The following BCAS3 variants were observed in gnomAD, a reference collection of about 807,000 sequenced individuals.
The protein encoded by BCAS3 is BCAS4/BCAS3 fusion.
Under a neutral mutation model 116.1 loss-of-function variants are expected in BCAS3, and 53 were observed. That is an observed-to-expected ratio of 0.46 (90% confidence interval 0.37 to 0.57). The LOEUF (loss-of-function observed/expected upper bound fraction) is 0.57, where lower values mean the gene tolerates loss of function less well. Among genes scored for constraint, BCAS3 ranks in the 20% least tolerant of loss-of-function variants. The pLI, the probability that BCAS3 is intolerant of heterozygous loss-of-function variation, is 0.00. For missense variants in BCAS3, 917 were observed against 1,165.4 expected (o/e 0.79, Z 3.10); for synonymous variants, 391 against 408.2 (o/e 0.96, Z 0.51).
intron 4 of BCAS3, among the ~76,000 whole-genome samples, chr17:60,706,803 CTT>C (rs546689684): frequency 9.3e-4 from 114 of 122,198 alleles, no homozygotes; most frequent in African/African-American, 2.5e-3. Context: ...TTACACTATA[CTT>C]TTTTTTTTTT....
intron 17 of BCAS3, chr17:61,036,257 A>G (rs973088630): frequency 4.6e-5 from 7 of 152,244 alleles, no homozygotes; most frequent in Non-Finnish European, 7.4e-5. Flanking sequence ...CACAGGCTGT[A>G]TTGTTCTTGG....
At chr17:61,035,903 C>T (rs1393883073) in intron 17 of BCAS3, among the ~76,000 whole-genome samples, 2 of 152,144 alleles carry the variant, frequency 1.3e-5, no homozygotes, top group Non-Finnish European at 2.9e-5. Flanking sequence ...CCACGCTATT[C>T]AGTCTGCCAT....
rs1355717088 is a variant in BCAS3 at position 61,105,867 on chromosome 17, G to C, written c.2425+21303G>C. ...GGTTAAATTCATTTGTCACATATTGGTGTTTTATTTAAAATATTGTCCAGA... is the reference window on the plus strand; with the variant it reads ...GGTTAAATTCATTTGTCACATATTGCTGTTTTATTTAAAATATTGTCCAGA... On this transcript the variant is annotated intron_variant, in intron 22 of 23. Transcript: ENST00000407086. The surrounding 1 kb of genome is among the most constrained non-coding windows in gnomAD (Gnocchi z 4.3). Among the ~76,000 whole-genome samples, 3 of 152,146 alleles carry C rather than the reference G, an allele frequency of 2.0e-5. No homozygotes were observed. The highest frequency in any genetic ancestry group is 3.2e-3 in the Middle Eastern group (1 of 316).
chr17:61,185,328 T>C (rs2079704096), intron 22 of BCAS3, among the ~76,000 whole-genome samples: 1 of 152,182 alleles, frequency 6.6e-6, no homozygotes, highest in African/African-American at 2.4e-5. Context: ...TTTGAATGTA[T>C]AAGCCTCTAC....
chr17:60,846,838 A>T (rs1351749389), intron 7 of BCAS3, among the ~76,000 whole-genome samples: 2 of 151,956 alleles, frequency 1.3e-5, no homozygotes, highest in Non-Finnish European at 2.9e-5. Context: ...TTTACATAAT[A>T]TAAAAGTTAC....
rs2051046329 is a variant in BCAS3, at chr17:61,279,392, G to T, written c.2426-88935G>T. Among the ~76,000 whole-genome samples the T allele has an allele frequency of 6.6e-6, 1 of 152,014 alleles. No homozygotes were observed. Among genetic ancestry groups the T allele is most frequent in the Non-Finnish European group, 1.5e-5 (1 of 68,008 alleles). On this transcript the variant is annotated intron_variant, in intron 22 of 23. Coordinates refer to ENST00000407086, the MANE Select transcript of BCAS3 (RefSeq NM_017679.5). This position sits in a 1 kb window ranked among gnomAD's most constrained non-coding sequence, Gnocchi z 4.4. ...TCTTCTCTTTCCATCAGTCAGTGAT[G>T]CCCTTTGTGGGCAGGTTTGTGCACA...
intron 5 of BCAS3, among the ~76,000 whole-genome samples, chr17:60,713,202 C>T (rs1375325854): frequency 1.3e-5 from 2 of 152,154 alleles, no homozygotes; most frequent in African/African-American, 4.8e-5. Context: ...TCCTTTAGCT[C>T]AAAATGCTCA....
At chr17:60,785,064 A>C (rs942009604) in intron 6 of BCAS3, among the ~76,000 whole-genome samples, 4 of 152,068 alleles carry the variant, frequency 2.6e-5, no homozygotes, top group African/African-American at 7.2e-5. Context: ...GTGCCATTGC[A>C]CTCCAGCCTG....
At position 61,021,529 on chromosome 17, in the gene BCAS3, AT is replaced by A. The variant is rs1447531907; in HGVS notation, c.1637+5631del. On this transcript the variant is annotated intron_variant, in intron 16 of 23. Transcript: ENST00000407086. The surrounding 1 kb of genome is among the most constrained non-coding windows in gnomAD (Gnocchi z 4.6). ...CTATTTGCCAGTGTGTCCTAGGTAA[AT>A]TTCTTCACCTGAAAAAAAAAAGTTT... is the stretch of plus-strand genomic sequence containing the variant. Among the ~76,000 whole-genome samples the A allele has an allele frequency of 6.6e-6, 1 of 151,656 alleles. No individual in the cohort carries two copies. Among genetic ancestry groups the A allele is most frequent in the Non-Finnish European group, 1.5e-5 (1 of 67,938 alleles).
At position 61,324,083 on chromosome 17, in the gene BCAS3, C is replaced by G. The variant is rs1049078850; in HGVS notation, c.2426-44244C>G. Reference sequence around the variant, plus strand: ...GTGTTCTCAGTGTGCTCTTGTAACCCTCTGCTAGATCACTTAGCACATGGG... The same window carrying G: ...GTGTTCTCAGTGTGCTCTTGTAACCGTCTGCTAGATCACTTAGCACATGGG... On this transcript the variant is annotated intron_variant, in intron 22 of 23. Coordinates refer to ENST00000407086, the MANE Select transcript of BCAS3 (RefSeq NM_017679.5). This position sits in a 1 kb window ranked among gnomAD's most constrained non-coding sequence, Gnocchi z 4.6. Among the ~76,000 whole-genome samples, 38 of 152,206 alleles carry G rather than the reference C, an allele frequency of 2.5e-4. No individual in the cohort carries two copies. Among genetic ancestry groups the G allele is most frequent in the Non-Finnish European group, 1.9e-4 (13 of 68,044 alleles).
rs773556470 is a variant in BCAS3 at position 60,802,295 on chromosome 17, A to AATAT, written c.404-5690_404-5687dup. ...TGAGACTCTGTCTCAAAAAAAAAAA[A>AATAT]ATATATATATATATATATATATGCA... On this transcript the variant is annotated intron_variant, in intron 6 of 23. Coordinates refer to ENST00000407086, the MANE Select transcript of BCAS3 (RefSeq NM_017679.5). Among the ~76,000 whole-genome samples the AATAT allele has an allele frequency of 5.1e-3, 654 of 127,910 alleles. 5 individuals carry two copies. The highest frequency in any genetic ancestry group is 0.01 in the East Asian group (49 of 4,838). 83.9% of individuals were successfully genotyped at this position (127,910 alleles called of 152,430 possible).
At position 61,180,036 on chromosome 17, in the gene BCAS3, C is replaced by T. The variant is rs946450083; in HGVS notation, c.2425+95472C>T. 1.5e-4 allele frequency among the ~76,000 whole-genome samples: 23 copies of T among 151,980 alleles called. No homozygotes were observed. The highest frequency in any genetic ancestry group is 2.6e-4 in the Admixed American group (4 of 15,240). On this transcript the variant is annotated intron_variant, in intron 22 of 23. Transcript: ENST00000407086. This position sits in a 1 kb window ranked among gnomAD's most constrained non-coding sequence, Gnocchi z 6.0. ...ATAAAAATATATCTGCAAGCTGTAGCGACCTGGGACTTTTTGTTAGAGACA... is the reference window on the plus strand; with the variant it reads ...ATAAAAATATATCTGCAAGCTGTAGTGACCTGGGACTTTTTGTTAGAGACA...
chr17:60,932,358 A>G (rs2059693091), intron 13 of BCAS3, among the ~76,000 whole-genome samples: 1 of 152,224 alleles, frequency 6.6e-6, no homozygotes, highest in Non-Finnish European at 1.5e-5. Flanking sequence ...AATCATGGAA[A>G]AAATATAGCA....
chr17:60,955,095 T>A (rs2061050035), intron 14 of BCAS3, among the ~76,000 whole-genome samples: 1 of 152,208 alleles, frequency 6.6e-6, no homozygotes, highest in South Asian at 2.1e-4. Context: ...CCACTAATAC[T>A]GGGATTTCTT....
At chr17:61,185,976 C>G (rs1291215122) in intron 22 of BCAS3, among the ~76,000 whole-genome samples, 1 of 152,140 alleles carries the variant, frequency 6.6e-6, no homozygotes, top group Non-Finnish European at 1.5e-5. Flanking sequence ...ATACACAATT[C>G]ACACTTGTAT....
In BCAS3 at chr17:61,261,926, T is replaced by G. The variant is rs1428300945; in HGVS notation, c.2426-106401T>G. Reference sequence around the variant, plus strand: ...GCAGAGCTTTAGAATTTAGGATGGTTTTCCTAGTGAAGAGAAAGCTAAGAG... The same window carrying G: ...GCAGAGCTTTAGAATTTAGGATGGTGTTCCTAGTGAAGAGAAAGCTAAGAG... On this transcript the variant is annotated intron_variant, in intron 22 of 23. Coordinates refer to ENST00000407086, the MANE Select transcript of BCAS3 (RefSeq NM_017679.5). The surrounding 1 kb of genome is among the most constrained non-coding windows in gnomAD (Gnocchi z 4.4). 1.3e-5 allele frequency among the ~76,000 whole-genome samples: 2 copies of G among 152,214 alleles called. No homozygotes were observed. The highest frequency in any genetic ancestry group is 2.9e-5 in the Non-Finnish European group (2 of 68,040).
At position 60,846,747 on chromosome 17, in the gene BCAS3, C is replaced by T. The variant is rs762318956; in HGVS notation, c.477-21829C>T. ...CTACTTTATCTGATATGAATCTTGACAGCCTCCCTGCCTCCCTCCCTTCAT... is the reference window on the plus strand; with the variant it reads ...CTACTTTATCTGATATGAATCTTGATAGCCTCCCTGCCTCCCTCCCTTCAT... On this transcript the variant is annotated intron_variant, in intron 7 of 23. Coordinates refer to ENST00000407086, the MANE Select transcript of BCAS3 (RefSeq NM_017679.5). Among the ~76,000 whole-genome samples the T allele has an allele frequency of 5.4e-4, 82 of 152,078 alleles. 2 individuals carry two copies. Among genetic ancestry groups the T allele is most frequent in the African/African-American group, 1.8e-3 (76 of 41,420 alleles).
rs2058658782 is a variant in BCAS3 at position 61,365,152 on chromosome 17, T to G, written c.2426-3175T>G. 6.6e-6 allele frequency among the ~76,000 whole-genome samples: 1 copy of G among 152,206 alleles called. No individual in the cohort carries two copies. The highest frequency in any genetic ancestry group is 2.4e-5 in the African/African-American group (1 of 41,458). Reference sequence around the variant, plus strand: ...TGGAATCATACAGCTCACGTGTTAGTCTTTCTTGAAGTCCAGGCCTATTTC... The same window carrying G: ...TGGAATCATACAGCTCACGTGTTAGGCTTTCTTGAAGTCCAGGCCTATTTC... On this transcript the variant is annotated intron_variant, in intron 22 of 23. Transcript: ENST00000407086. The surrounding 1 kb of genome is among the most constrained non-coding windows in gnomAD (Gnocchi z 4.6).
rs894876589 is a variant in BCAS3 at position 61,132,347 on chromosome 17, G to A, written c.2425+47783G>A. On this transcript the variant is annotated intron_variant, in intron 22 of 23. Coordinates refer to ENST00000407086, the MANE Select transcript of BCAS3 (RefSeq NM_017679.5). The surrounding 1 kb of genome is among the most constrained non-coding windows in gnomAD (Gnocchi z 5.1). Reference sequence around the variant, plus strand: ...AAGGCACCATTCCAAAACTACTTGAGTATAGGTGAGAACTTGACAGATAAT... The same window carrying A: ...AAGGCACCATTCCAAAACTACTTGAATATAGGTGAGAACTTGACAGATAAT... Among the ~76,000 whole-genome samples the A allele has an allele frequency of 1.8e-4, 27 of 152,212 alleles. No homozygotes were observed. The highest frequency in any genetic ancestry group is 2.6e-4 in the Non-Finnish European group (18 of 68,036).
Sources: allele counts gnomAD v4.1 joint callset (sites outside exome capture counted in the v4.1 genomes callset), GRCh38; gene constraint gnomAD v4.1.1; non-coding constraint Gnocchi (gnomAD v3.1); transcripts MANE v1.5; gene names NCBI Gene and HGNC (gene_info 2026-07-23, HGNC 2026-07-21).